The following CARMIL1 variants were observed in gnomAD, a reference collection of about 807,000 sequenced individuals.
CARMIL1 encodes the protein capping protein regulator and myosin 1 linker 1.
A neutral mutation model predicts 177.1 loss-of-function variants in CARMIL1; 90 were observed. The observed-to-expected ratio is 0.51, with a 90% CI of 0.43 to 0.61. The LOEUF is 0.61. Ranked by LOEUF, CARMIL1 falls within the 20% of genes least tolerant of loss-of-function variation. The pLI is 0.00. For missense variants in CARMIL1, 1,380 were observed against 1,667.0 expected, an observed-to-expected ratio of 0.83 and a Z score of 3.00; for synonymous variants, 577 against 606.2, an observed-to-expected ratio of 0.95 and a Z score of 0.71.
At chr6:25,547,967 C>T (rs1357087584) in intron 26 of CARMIL1, among the ~76,000 whole-genome samples, 1 of 151,950 alleles carries the variant, frequency 6.6e-6, no homozygotes, top group Admixed American at 6.6e-5. Context: ...TAGAGGAGTA[C>T]AGATGTTTTA....
intron 26 of CARMIL1, among the ~76,000 whole-genome samples, chr6:25,550,033 G>A (rs1809923804): frequency 6.6e-6 from 1 of 152,140 alleles, no homozygotes; most frequent in African/African-American, 2.4e-5. Context: ...CAGTAACTTT[G>A]TCCAGTGTCA....
chr6:25,387,861 C>T (rs12529416), intron 2 of CARMIL1, among the ~76,000 whole-genome samples: 21,977 of 152,070 alleles, frequency 0.14, 1,802 homozygotes, highest in East Asian at 0.32. Context: ...CCAGATGCAA[C>T]TATGGGCCCC....
At chr6:25,593,987 A>G (rs917744430) in intron 31 of CARMIL1, among the ~76,000 whole-genome samples, 1 of 152,262 alleles carries the variant, frequency 6.6e-6, no homozygotes, top group South Asian at 2.1e-4. Flanking sequence ...AATAGCATCT[A>G]CTATGTTCCA....
chr6:25,494,632 T>C (rs1803521464), intron 15 of CARMIL1, among the ~76,000 whole-genome samples: 1 of 152,238 alleles, frequency 6.6e-6, no homozygotes, highest in Admixed American at 6.5e-5. Context: ...TAATGCAGGC[T>C]TCGTGCCATT....
chr6:25,351,408 C>T (rs1254921366), intron 2 of CARMIL1, among the ~76,000 whole-genome samples: 1 of 152,180 alleles, frequency 6.6e-6, no homozygotes, highest in African/African-American at 2.4e-5. Context: ...GACAGAGCTG[C>T]TCTAGATTCT....
At chr6:25,366,723 C>A (rs1463250730) in intron 2 of CARMIL1, among the ~76,000 whole-genome samples, 2 of 151,878 alleles carry the variant, frequency 1.3e-5, no homozygotes, top group East Asian at 3.9e-4. Context: ...ACAGCACCCT[C>A]TTACAGGACA....
At chr6:25,390,310 ATATATATATATTTTTTT>A (rs1792636782) in intron 2 of CARMIL1, among the ~76,000 whole-genome samples, 2 of 38,636 alleles carry the variant, frequency 5.2e-5, no homozygotes, top group Non-Finnish European at 6.1e-5. Flanking sequence ...ATATATATAT[ATATATATATATTTTTTT>A]TTTTTTTTTT....
intron 2 of CARMIL1, among the ~76,000 whole-genome samples, chr6:25,340,778 T>TTTTTTTTTTG (rs1491479596): frequency 1.9e-4 from 2 of 10,430 alleles, no homozygotes; most frequent in Non-Finnish European, 4.5e-4. Context: ...TCAATGAAGG[T>TTTTTTTTTTG]TTTTTTTTTT....
intron 16 of CARMIL1, among the ~76,000 whole-genome samples, chr6:25,495,538 CGTGTGTGTGTGT>C (rs144132253): frequency 0.011 from 1,624 of 144,966 alleles, 21 homozygotes; most frequent in African/African-American, 0.032. Flanking sequence ...TTCGTTTGTT[CGTGTGTGTGTGT>C]GTGTGTGTGT....
At chr6:25,450,052 G>T in intron 6 of CARMIL1, 57 bp downstream of exon 6, 1 of 1,397,870 alleles carries the variant, frequency 7.2e-7, no homozygotes, top group East Asian at 2.4e-5. Context: ...CCCCCTGCCA[G>T]GAAGTTAAGT....
At chr6:25,406,566 A>G (rs776502758) in intron 2 of CARMIL1, among the ~76,000 whole-genome samples, 3 of 152,168 alleles carry the variant, frequency 2.0e-5, no homozygotes, top group Non-Finnish European at 2.9e-5. Flanking sequence ...GGTGGCTTGG[A>G]ATAGTATCAT....
chr6:25,452,003 C>G (rs374294066), intron 8 of CARMIL1: 5 of 293,982 alleles, frequency 1.7e-5, no homozygotes, highest in East Asian at 8.6e-5. Flanking sequence ...CCTCCCCCCC[C>G]CAGAATACTG....
In CARMIL1 at chr6:25,485,871, T is replaced by G. The variant is rs80159966; in HGVS notation, c.962-2611T>G. ...AGTTTTAAAATGACTGGAGTTACAT[T>G]GCAGTGTTAAGCTTCTGGTGAATTT... On this transcript the variant is annotated intron_variant, in intron 12 of 36. Coordinates refer to ENST00000329474, the MANE Select transcript of CARMIL1 (RefSeq NM_017640.6). Among the ~76,000 whole-genome samples, 272 of 152,228 alleles carry G rather than the reference T, an allele frequency of 1.8e-3. 1 individual carries two copies. The highest frequency in any genetic ancestry group is 0.011 in the East Asian group (58 of 5,182).
At chr6:25,450,054 A>G in intron 6 of CARMIL1, 59 bp downstream of exon 6, 1 of 1,375,482 alleles carries the variant, frequency 7.3e-7, no homozygotes, top group African/African-American at 1.5e-5. Context: ...CCCTGCCAGG[A>G]AGTTAAGTCT....
chr6:25,549,805 T>G (rs1809894423), intron 26 of CARMIL1, among the ~76,000 whole-genome samples: 1 of 152,230 alleles, frequency 6.6e-6, no homozygotes, highest in Admixed American at 6.5e-5. Flanking sequence ...TTTCAAAAAC[T>G]GCGTTTCTTA....
intron 10 of CARMIL1, among the ~76,000 whole-genome samples, chr6:25,471,584 GA>G (rs1801108297): frequency 6.6e-6 from 1 of 152,042 alleles, no homozygotes; most frequent in Admixed American, 6.6e-5. Context: ...TTAAAATGGG[GA>G]TAATAATAAT....
Position 25,586,472 on chromosome 6 carries a change from T to C in CARMIL1, c.3006+5033T>C, listed in dbSNP as rs1432827474. 1.6e-4 allele frequency among the ~76,000 whole-genome samples: 19 copies of C among 115,848 alleles called. No homozygotes were observed. The East Asian group carries it at 5.1e-3, about 31-fold the overall frequency. The allele number at this position is 115,848 out of a possible 152,430, so 76.0% of individuals were successfully genotyped here. A position where few individuals can be genotyped will look rare whatever the true frequency, so the allele number is the denominator to read the frequency against. The stretch of plus-strand genomic sequence containing the variant: ...AAGAGGCGCTCCTCACTTCCCAGAC[T>C]GGGCGGGTGGGCAGAGGGGCTCCTC... On this transcript the variant is annotated intron_variant, in intron 31 of 36. Coordinates refer to ENST00000329474, the MANE Select transcript of CARMIL1 (RefSeq NM_017640.6).
Position 25,449,974 on chromosome 6 carries a change from G to C in CARMIL1, c.448G>C (p.Val150Leu). ...CCAGGCGCTGTGGGACAGCCAGACC[G>C]TGGCTGAGCAGGGCCCCTGTGGTGA... ...SLQALWDSQTVAEQGPCGGFS... is the reference protein window; with the variant it reads ...SLQALWDSQTLAEQGPCGGFS... The change falls in exon 6 of 37, where the codon GTG becomes CTG. Residue 150 changes from valine (V) to leucine (L), a missense_variant. By Grantham distance (32) the Val-to-Leu change is conservative (BLOSUM62 1). Transcript: ENST00000329474. 1 of 1,610,700 alleles carries C rather than the reference G, an allele frequency of 6.2e-7. No homozygotes were observed.
At chr6:25,331,858 A>G (rs374538650) in intron 2 of CARMIL1, among the ~76,000 whole-genome samples, 21 of 152,376 alleles carry the variant, frequency 1.4e-4, no homozygotes, top group South Asian at 1.0e-3. Context: ...TTGCAATTCA[A>G]TGCTTTCTTT....
Sources: gnomAD v4.1 joint callset for allele counts (sites outside exome capture counted in the v4.1 genomes callset) on GRCh38, gnomAD v4.1.1 for gene constraint, MANE v1.5 for transcripts, NCBI Gene and HGNC (gene_info 2026-07-23, HGNC 2026-07-21) for gene names.